LIFR: variants seen among roughly 807,000 people sequenced by gnomAD.
The protein encoded by LIFR is leukemia inhibitory factor receptor.
In LIFR, 84 loss-of-function variants were observed where a neutral mutation model predicts 122.2. The observed-to-expected ratio is 0.69, with a 90% CI of 0.58 to 0.82. The LOEUF (loss-of-function observed/expected upper bound fraction) is 0.82. Ranked by LOEUF, LIFR falls within the 40% of genes least tolerant of loss-of-function variation. The pLI, the probability that LIFR is intolerant of heterozygous loss-of-function variation, is 0.00. For synonymous variants in LIFR, 422 were observed against 434.7 expected, an observed-to-expected ratio of 0.97 and a Z score of 0.36; for missense variants, 1,294 against 1,311.6, an observed-to-expected ratio of 0.99 and a Z score of 0.21.
intron 1 of LIFR, among the ~76,000 whole-genome samples, chr5:38,587,026 A>G (rs1479203336): frequency 2.6e-5 from 4 of 152,106 alleles, no homozygotes; most frequent in African/African-American, 9.7e-5. Flanking sequence ...ATTACCCTTC[A>G]CCAGTCTATA....
At chr5:38,541,469 A>G (rs1228207199) in intron 1 of LIFR, among the ~76,000 whole-genome samples, 1 of 152,228 alleles carries the variant, frequency 6.6e-6, no homozygotes, top group African/African-American at 2.4e-5. Context: ...CTGTTTGAAC[A>G]AAATCTTTTC....
rs572653499 is a variant in LIFR, at chr5:38,477,800, C to T, written c.*3795G>A. The T allele has an allele frequency of 6.9e-5, 15 of 217,454 alleles. No individual in the cohort carries two copies. The highest frequency in any genetic ancestry group is 2.7e-4 in the African/African-American group (12 of 44,560). The allele number at this position is 217,454 out of a possible 1,614,324, so 13.5% of individuals were successfully genotyped here. A position where few individuals can be genotyped will look rare whatever the true frequency, so the allele number is the denominator to read the frequency against. ...AAGAAAATTAGTTACTGAGCTTTCA[C>T]GATGTGCCTAGTCTTTGTAGCTAAT... On this transcript the variant is annotated 3_prime_UTR_variant, in exon 20 of 20. Transcript: ENST00000453190.
chr5:38,509,610 A>G (rs1020878542), intron 7 of LIFR, among the ~76,000 whole-genome samples: 1 of 151,856 alleles, frequency 6.6e-6, no homozygotes, highest in African/African-American at 2.4e-5. Flanking sequence ...GAAATATCAT[A>G]AAATCTAGTC....
chr5:38,522,135 G>A (rs939145286), intron 5 of LIFR, among the ~76,000 whole-genome samples: 1 of 152,210 alleles, frequency 6.6e-6, no homozygotes, highest in African/African-American at 2.4e-5. Flanking sequence ...ATGCAAGTGG[G>A]GAACGCACAA....
intron 1 of LIFR, among the ~76,000 whole-genome samples, chr5:38,586,584 C>T (rs748852047): frequency 6.6e-6 from 1 of 152,066 alleles, no homozygotes; most frequent in Non-Finnish European, 1.5e-5. Context: ...TAGTCATTTT[C>T]CAAGTGCTAA....
At chr5:38,539,421 C>T (rs1747467053) in intron 1 of LIFR, among the ~76,000 whole-genome samples, 1 of 152,094 alleles carries the variant, frequency 6.6e-6, no homozygotes, top group South Asian at 2.1e-4. Flanking sequence ...AAGATCAGAG[C>T]CTTATCTTTG....
At position 38,543,478 on chromosome 5, in the gene LIFR, T is replaced by C. The variant is rs984718557; in HGVS notation, c.-19-12812A>G. Among the ~76,000 whole-genome samples the C allele has an allele frequency of 3.9e-5, 6 of 152,136 alleles. No individual in the cohort carries two copies. The East Asian group carries it at 5.8e-4, about 15-fold the overall frequency. On this transcript the variant is annotated intron_variant, in intron 1 of 19. Transcript: ENST00000453190. ...TTCCAATTGAAAGCCTTTCACTCAATAACAGTAAGAATGATGAAGATAAAC... is the reference window on the plus strand; with the variant it reads ...TTCCAATTGAAAGCCTTTCACTCAACAACAGTAAGAATGATGAAGATAAAC...
At chr5:38,530,114 G>A (rs1045116553) in intron 2 of LIFR, among the ~76,000 whole-genome samples, 15 of 152,278 alleles carry the variant, frequency 9.9e-5, no homozygotes, top group African/African-American at 3.6e-4. Flanking sequence ...AGTGTCTATG[G>A]AGACAAGGCA....
Position 38,518,330 on chromosome 5 carries a change from C to G in LIFR, c.561+5089G>C, listed in dbSNP as rs76782785. ...TCCACCACTTAAAGTCTTCCTGTGA[C>G]TCTGTATCATCTGTAAAATGGGAAT... is the stretch of plus-strand genomic sequence containing the variant. On this transcript the variant is annotated intron_variant, in intron 5 of 19. Transcript: ENST00000453190. Among the ~76,000 whole-genome samples, 1,039 of 152,244 alleles carry G rather than the reference C, an allele frequency of 6.8e-3. 4 individuals carry two copies. Among genetic ancestry groups the G allele is most frequent in the Non-Finnish European group, 0.012 (828 of 68,020 alleles).
At chr5:38,510,746 AT>A in intron 6 of LIFR, 28 bp from the exon 7 acceptor site, 1 of 1,573,994 alleles carries the variant, frequency 6.4e-7, no homozygotes, top group Non-Finnish European at 8.7e-7. Context: ...AATTATAAAC[AT>A]TTTATATAGA....
chr5:38,507,664 T>C (rs1580067312), intron 7 of LIFR, among the ~76,000 whole-genome samples: 1 of 152,006 alleles, frequency 6.6e-6, no homozygotes, highest in South Asian at 2.1e-4. Context: ...CATACACATA[T>C]AGAAACTGGT....
In LIFR at chr5:38,481,615, G is replaced by GA. The variant is rs1165606146; in HGVS notation, c.3273dup (p.Gln1092SerfsTer20). 3 of 1,614,086 alleles carry GA rather than the reference G, an allele frequency of 1.9e-6. No individual in the cohort carries two copies. The South Asian group carries it at 3.3e-5, about 18-fold the overall frequency. ...CACTGTTAATCGTTTGGTTTGTTCT[G>GA]AAAAAAGTTTGTAAAGGACCACCCT... On this transcript the variant is annotated frameshift_variant, in exon 20 of 20. Transcript: ENST00000453190. LOFTEE classifies it high-confidence loss of function.
At chr5:38,506,401 CTT>C (rs1561155128) in intron 8 of LIFR, 100 bp downstream of exon 8, 17 of 1,408,850 alleles carry the variant, frequency 1.2e-5, no homozygotes, top group Middle Eastern at 1.8e-4. Context: ...GGTTTTATAT[CTT>C]GTTTGTAACA....
chr5:38,553,668 ATATATT>A (rs1177960033), intron 1 of LIFR, among the ~76,000 whole-genome samples: 82 of 111,756 alleles, frequency 7.3e-4, no homozygotes, highest in African/African-American at 1.6e-3. Context: ...ATATATATAT[ATATATT>A]ATATGTATGT....
intron 1 of LIFR, among the ~76,000 whole-genome samples, chr5:38,535,474 C>T (rs949111951): frequency 6.6e-6 from 1 of 152,160 alleles, no homozygotes; most frequent in Admixed American, 6.5e-5. Flanking sequence ...CACAGCCACG[C>T]CCACTAGTTT....
chr5:38,567,354 T>A (rs1749055683), intron 1 of LIFR, among the ~76,000 whole-genome samples: 1 of 152,138 alleles, frequency 6.6e-6, no homozygotes, highest in Non-Finnish European at 1.5e-5. Flanking sequence ...ACATTGCTGT[T>A]ACATGAGCCA....
intron 1 of LIFR, among the ~76,000 whole-genome samples, chr5:38,532,367 C>T (rs893223692): frequency 2.0e-5 from 3 of 152,192 alleles, no homozygotes; most frequent in Admixed American, 2.0e-4. Flanking sequence ...CTGCTTCAGC[C>T]TCAACCATTG....
chr5:38,500,358 A>G (rs948032223), intron 11 of LIFR, among the ~76,000 whole-genome samples: 1 of 152,212 alleles, frequency 6.6e-6, no homozygotes, highest in African/African-American at 2.4e-5. Flanking sequence ...AAAGTGTTTC[A>G]GATTTTGGAT....
In LIFR at chr5:38,523,646, C is replaced by G. The variant is rs1304616354; in HGVS notation, c.398-64G>C. ...TAAGTAATGATTTTTCATACTGTAA[C>G]TCCACTAATCAACTACTTATAAACT... On this transcript the variant is annotated intron_variant, in intron 4 of 19. Transcript: ENST00000453190. The G allele has an allele frequency of 2.4e-6, 3 of 1,234,860 alleles. No individual in the cohort carries two copies. In the African/African-American group the frequency reaches 4.5e-5, roughly 18 times the overall value. 76.5% of individuals were successfully genotyped at this position (1,234,860 alleles called of 1,614,324 possible).
Sources: allele counts gnomAD v4.1 joint callset (sites outside exome capture counted in the v4.1 genomes callset), GRCh38; gene constraint gnomAD v4.1.1; transcripts MANE v1.5; gene names NCBI Gene and HGNC (gene_info 2026-07-23, HGNC 2026-07-21).